SOX5: variants seen among roughly 807,000 people sequenced by gnomAD.
The protein encoded by SOX5 is transcription factor SOX-5.
Under a neutral mutation model 92.0 loss-of-function variants are expected in SOX5, and 9 were observed. The ratio of observed to expected loss-of-function variants is 0.10; its 90% CI spans 0.06 to 0.17. The LOEUF (loss-of-function observed/expected upper bound fraction) is 0.17. Among genes scored for constraint, SOX5 ranks in the 10% least tolerant of loss-of-function variants. The pLI is 1.00. For missense variants in SOX5, 642 were observed against 944.5 expected (o/e 0.68, Z 4.20); for synonymous variants, 344 against 336.3 (o/e 1.02, Z -0.25).
intron 2 of SOX5, among the ~76,000 whole-genome samples, chr12:23,865,113 G>A (rs1488557466): frequency 6.6e-6 from 1 of 152,144 alleles, no homozygotes; most frequent in Non-Finnish European, 1.5e-5. Flanking sequence ...CTCTGTCTTT[G>A]TCTATAAATG....
At chr12:24,264,278 A>C (rs1942693519) in intron 3 of SOX5, among the ~76,000 whole-genome samples, 1 of 152,186 alleles carries the variant, frequency 6.6e-6, no homozygotes, top group South Asian at 2.1e-4. Flanking sequence ...AGTTCTATTA[A>C]ATTTCTGTCA....
chr12:23,815,792 T>C (rs2095979461), intron 3 of SOX5, among the ~76,000 whole-genome samples: 1 of 152,196 alleles, frequency 6.6e-6, no homozygotes, highest in African/African-American at 2.4e-5. Context: ...GGAGTCTCTA[T>C]GCTAGGAACT....
chr12:23,768,696 A>T (rs887907955), intron 3 of SOX5, among the ~76,000 whole-genome samples: 1 of 152,068 alleles, frequency 6.6e-6, no homozygotes, highest in Admixed American at 6.6e-5. Context: ...ATCTAGTTGC[A>T]ATTTTTTTTT....
At chr12:23,780,701 G>A (rs1369960905) in intron 3 of SOX5, among the ~76,000 whole-genome samples, 1 of 151,972 alleles carries the variant, frequency 6.6e-6, no homozygotes, top group East Asian at 1.9e-4. Context: ...GATGAATATG[G>A]AGCAATTAAT....
At chr12:23,713,321 C>G (rs954420346) in intron 6 of SOX5, among the ~76,000 whole-genome samples, 1 of 152,156 alleles carries the variant, frequency 6.6e-6, no homozygotes, top group Non-Finnish European at 1.5e-5. Context: ...CAGACTCTGA[C>G]CTCCATAATT....
intron 3 of SOX5, among the ~76,000 whole-genome samples, chr12:23,819,138 T>C (rs1015979746): frequency 6.6e-6 from 1 of 152,260 alleles, no homozygotes; most frequent in Non-Finnish European, 1.5e-5. Flanking sequence ...CTGTATGTGC[T>C]ATACTTCCAA....
chr12:24,309,254 C>A (rs776180821), intron 2 of SOX5, among the ~76,000 whole-genome samples: 47 of 152,262 alleles, frequency 3.1e-4, no homozygotes, highest in Non-Finnish European at 5.4e-4. Context: ...GCACCTCTTG[C>A]AAAGGAAGGC....
intron 3 of SOX5, among the ~76,000 whole-genome samples, chr12:23,765,706 T>G (rs1379851902): frequency 6.6e-6 from 1 of 152,180 alleles, no homozygotes; most frequent in Non-Finnish European, 1.5e-5. Flanking sequence ...TTAGAACTAT[T>G]AGACTACTTT....
intron 3 of SOX5, among the ~76,000 whole-genome samples, chr12:23,800,832 C>T (rs1252671515): frequency 6.6e-6 from 1 of 152,092 alleles, no homozygotes; most frequent in Non-Finnish European, 1.5e-5. Context: ...ATAGCCTTTA[C>T]CTGTTTGCTT....
At chr12:24,421,486 A>C (rs1443277980) in intron 1 of SOX5, among the ~76,000 whole-genome samples, 7 of 152,184 alleles carry the variant, frequency 4.6e-5, no homozygotes. Flanking sequence ...CCATACTTAT[A>C]AGAATAATGT....
At chr12:24,238,878 C>T (rs542787499) in intron 3 of SOX5, among the ~76,000 whole-genome samples, 70 of 152,340 alleles carry the variant, frequency 4.6e-4, no homozygotes, top group African/African-American at 1.6e-3. Flanking sequence ...CTCTCACATT[C>T]AATGTCACAA....
intron 8 of SOX5, among the ~76,000 whole-genome samples, chr12:23,616,253 G>A (rs770528608): frequency 4.6e-5 from 7 of 152,216 alleles, no homozygotes; most frequent in Non-Finnish European, 1.0e-4. Flanking sequence ...AAACCTGAGC[G>A]GAAAGGGACA....
intron 9 of SOX5, among the ~76,000 whole-genome samples, chr12:23,599,482 G>C (rs1953072315): frequency 6.6e-6 from 1 of 152,210 alleles, no homozygotes; most frequent in African/African-American, 2.4e-5. Flanking sequence ...GGTATGACCA[G>C]GGTCACGGCA....
At chr12:24,412,780 C>CT (rs35640190) in intron 1 of SOX5, among the ~76,000 whole-genome samples, 105,466 of 132,392 alleles carry the variant, frequency 0.8, 42,176 homozygotes, top group African/African-American at 0.85. Flanking sequence ...ATTAGATTTT[C>CT]TTTTTTTTTT....
At chr12:23,722,275 T>C (rs2092861181) in intron 6 of SOX5, among the ~76,000 whole-genome samples, 1 of 152,220 alleles carries the variant, frequency 6.6e-6, no homozygotes, top group Admixed American at 6.5e-5. Context: ...GATTTTATTA[T>C]ATAACTATGA....
chr12:24,443,641 T>A (rs1056406739), intron 1 of SOX5, among the ~76,000 whole-genome samples: 11 of 152,242 alleles, frequency 7.2e-5, no homozygotes, highest in Admixed American at 2.0e-4. Flanking sequence ...AGTTTAGAGA[T>A]GTTTGATAAA....
In SOX5 at chr12:24,467,324, G is replaced by T. The variant is rs544915678; in HGVS notation, c.-251+95005C>A. ...ATATTTGAGCAGTTCATAACTTAAT[G>T]AGAAAGAGAGACAGAAACCAATGAA... On this transcript the variant is annotated intron_variant, in intron 1 of 4. Transcript: ENST00000446891. Among the ~76,000 whole-genome samples the T allele has an allele frequency of 4.2e-4, 64 of 152,212 alleles. 1 individual carries two copies. Among genetic ancestry groups the T allele is most frequent in the African/African-American group, 1.3e-3 (55 of 41,458 alleles).
chr12:23,579,455 C>T (rs2127310), intron 9 of SOX5, among the ~76,000 whole-genome samples: 69,325 of 151,956 alleles, frequency 0.46, 17,245 homozygotes, highest in South Asian at 0.57. Context: ...TATTATTTCG[C>T]AATTTTGTTC....
intron 4 of SOX5, among the ~76,000 whole-genome samples, chr12:23,993,380 T>C (rs1950736871): frequency 6.6e-6 from 1 of 152,190 alleles, no homozygotes; most frequent in African/African-American, 2.4e-5. Context: ...GTATATACCT[T>C]TCATCTAGTT....
Sources: allele counts gnomAD v4.1 joint callset (sites outside exome capture counted in the v4.1 genomes callset), GRCh38; gene constraint gnomAD v4.1.1; transcripts MANE v1.5; gene names NCBI Gene and HGNC (gene_info 2026-07-23, HGNC 2026-07-21).